Variants in PROSER3 observed in about 807,000 individuals in gnomAD.
PROSER3 encodes proline and serine rich 3.
PROSER3 carries 33 observed loss-of-function variants against 50.2 expected under a neutral mutation model. The ratio of observed to expected loss-of-function variants is 0.66; its 90% CI spans 0.50 to 0.88. The LOEUF (loss-of-function observed/expected upper bound fraction) is 0.88, where lower values mean the gene tolerates loss of function less well. PROSER3 is among the 40% of genes least tolerant of loss of function. PROSER3 has a pLI of 0.00. For synonymous variants in PROSER3, 266 were observed against 259.3 expected (o/e 1.03, Z -0.25); for missense variants, 623 against 612.7 (o/e 1.02, Z -0.18).
intron 1 of PROSER3, 92 bp downstream of exon 1, chr19:35,758,318 G>C: frequency 6.9e-7 from 1 of 1,444,092 alleles, no homozygotes; most frequent in Non-Finnish European, 9.2e-7. Flanking sequence ...ATACGGTCTG[G>C]AGTCGCTAGG....
At chr19:35,767,113 C>A in intron 8 of PROSER3, 1 of 966,224 alleles carries the variant, frequency 1.0e-6, no homozygotes, top group Non-Finnish European at 1.5e-6. Context: ...CTCTGGGGAC[C>A]CAGCCTAACC....
exon 11 of PROSER3, chr19:35,768,657 A>G (rs2146640860): frequency 7.4e-7 from 1 of 1,352,584 alleles, no homozygotes; most frequent in Non-Finnish European, 9.8e-7. Flanking sequence ...ATGCCAATTT[A>G]AGGAAATGCC....
chr19:35,766,226 G>A (rs1971136941), intron 7 of PROSER3, among the ~76,000 whole-genome samples: 1 of 152,112 alleles, frequency 6.6e-6, no homozygotes, highest in African/African-American at 2.4e-5. Context: ...TGTAACTCCA[G>A]TGTCCAGAAC....
chr19:35,764,842 G>A lies in PROSER3; in HGVS notation c.544-12G>A. On this transcript the variant is annotated splice_polypyrimidine_tract_variant and intron_variant, in intron 5 of 10. Coordinates refer to ENST00000396908, the Ensembl canonical transcript of PROSER3. ...TGGGTTGGGGCTGGCGTCTGACCCT[G>A]TCACCCTGCAGAACCTCCACACATG... is the stretch of plus-strand genomic sequence containing the variant. 6.2e-7 allele frequency: 1 copy of A among 1,611,382 alleles called. No homozygotes were observed. The highest frequency in any genetic ancestry group is 8.5e-7 in the Non-Finnish European group (1 of 1,178,784).
chr19:35,768,580 T>TC (rs929675156), exon 11 of PROSER3: 1 of 1,307,860 alleles, frequency 7.6e-7, no homozygotes, highest in African/African-American at 1.5e-5. Flanking sequence ...GTGAGGCTCT[T>TC]TTTTTTTTTT....
chr19:35,767,177 G>A lies in PROSER3; in HGVS notation c.957+222G>A, dbSNP rs752827340. 109 of 524,240 alleles carry A rather than the reference G, an allele frequency of 2.1e-4. 1 individual carries two copies. The Middle Eastern group carries it at 3.1e-3, about 15-fold the overall frequency. 32.5% of individuals were successfully genotyped at this position (524,240 alleles called of 1,614,324 possible). ...GCCTGGTCCACCAGAGGCCTTCTAT[G>A]TGGAGAGGCCTCCTTTTCCCTCAGT... is the stretch of plus-strand genomic sequence containing the variant. On this transcript the variant is annotated intron_variant, in intron 8 of 10. Transcript: ENST00000396908.
rs1391763528 is a variant in PROSER3, at chr19:35,768,715, C to T, written c.*170C>T. 7.3e-6 allele frequency: 5 copies of T among 685,896 alleles called. No homozygotes were observed. The East Asian group carries it at 1.6e-4, about 22-fold the overall frequency. The allele number at this position is 685,896 out of a possible 1,614,324, so 42.5% of individuals were successfully genotyped here. A position where few individuals can be genotyped will look rare whatever the true frequency, so the allele number is the denominator to read the frequency against. On this transcript the variant is annotated 3_prime_UTR_variant, in exon 11 of 11. Transcript: ENST00000396908. ...GCTCTGCCCTGCCCCCCACCCCTTC[C>T]TGACCACGGAAACAAGATCTCCTTT... is the stretch of plus-strand genomic sequence containing the variant.
At chr19:35,767,113 C>G (rs1197998842) in intron 8 of PROSER3, 4 of 966,106 alleles carry the variant, frequency 4.1e-6, no homozygotes, top group Non-Finnish European at 5.9e-6. Flanking sequence ...CTCTGGGGAC[C>G]CAGCCTAACC....
chr19:35,769,427 C>A, downstream of PROSER3: 1 of 150,642 alleles, frequency 6.6e-6, no homozygotes, highest in Non-Finnish European at 1.5e-5. Flanking sequence ...GCCTCAGCCT[C>A]CCGAGTAGCT....
intron 8 of PROSER3, chr19:35,767,099 A>G: frequency 1.8e-6 from 2 of 1,099,514 alleles, no homozygotes; most frequent in Non-Finnish European, 2.5e-6. Flanking sequence ...GGAGACCCTC[A>G]GTTCTCTGGG....
intron 9 of PROSER3, 39 bp from the exon 10 acceptor site, chr19:35,768,116 G>C (rs1280658329): frequency 6.2e-7 from 1 of 1,602,998 alleles, no homozygotes; most frequent in Non-Finnish European, 8.5e-7. Flanking sequence ...CCCCTAAGAG[G>C]CCGGCCCCTT....
rs781640812 is a variant in PROSER3 at position 35,758,232 on chromosome 19, G to T, written c.11+6G>T. ...AGCCGCGGGATGGACCGCAGGTGAG[G>T]CCGATCGCTCTTCCAGGGACTACAG... On this transcript the variant is annotated splice_donor_region_variant and intron_variant, in intron 1 of 10. Transcript: ENST00000396908. The T allele has an allele frequency of 2.6e-6, 4 of 1,562,380 alleles. No homozygotes were observed. Among genetic ancestry groups the T allele is most frequent in the Non-Finnish European group, 3.5e-6 (4 of 1,153,350 alleles).
exon 9 of PROSER3, chr19:35,768,044 C>G: frequency 1.3e-6 from 2 of 1,582,446 alleles, no homozygotes; most frequent in East Asian, 4.6e-5. Flanking sequence ...CCAGGCCGCC[C>G]TGCTGCTGCA....
chr19:35,767,870 A>T, exon 9 of PROSER3: 2 of 1,612,034 alleles, frequency 1.2e-6, no homozygotes, highest in African/African-American at 1.3e-5. Flanking sequence ...GAGCGAAGCC[A>T]CTCCTTCCCC....
chr19:35,766,790 C>T (rs1292009160), exon 8 of PROSER3: 1 of 1,550,514 alleles, frequency 6.4e-7, no homozygotes, highest in African/African-American at 1.4e-5. Context: ...CAGCCCAGGC[C>T]CAGACCCCCA....
downstream of PROSER3, chr19:35,770,647 G>T (rs1008707411): frequency 2.3e-4 from 35 of 152,058 alleles, no homozygotes; most frequent in Admixed American, 2.1e-3. Context: ...GGAGGCTCAG[G>T]TGGGCAGATT....
intron 9 of PROSER3, 37 bp from the exon 10 acceptor site, chr19:35,768,118 C>T (rs761702846): frequency 1.2e-6 from 2 of 1,603,636 alleles, no homozygotes; most frequent in South Asian, 1.1e-5. Context: ...CCTAAGAGGC[C>T]GGCCCCTTGG....
chr19:35,764,709 T>G, intron 5 of PROSER3, 145 bp from the exon 6 acceptor site: 2 of 629,130 alleles, frequency 3.2e-6, no homozygotes, highest in Non-Finnish European at 5.3e-6. Context: ...ACTGGGTCTC[T>G]CCTCCCTGAG....
At chr19:35,766,236 C>T (rs945064427) in intron 7 of PROSER3, among the ~76,000 whole-genome samples, 6 of 152,032 alleles carry the variant, frequency 3.9e-5, no homozygotes, top group Non-Finnish European at 8.8e-5. Context: ...GTGTCCAGAA[C>T]GGCTCAATAA....
Sources: gnomAD v4.1 joint callset for allele counts (sites outside exome capture counted in the v4.1 genomes callset) on GRCh38, gnomAD v4.1.1 for gene constraint, MANE v1.5 for transcripts, NCBI Gene and HGNC (gene_info 2026-07-23, HGNC 2026-07-21) for gene names.